Variants in TUBGCP4 observed in about 807,000 individuals in gnomAD.
TUBGCP4 encodes gamma-tubulin complex component 4.
In TUBGCP4, 54 loss-of-function variants were observed where a neutral mutation model predicts 91.6. That is an observed-to-expected ratio of 0.59 (90% CI 0.47 to 0.74). The LOEUF is 0.74. Ranked by LOEUF, TUBGCP4 falls within the 30% of genes least tolerant of loss-of-function variation. The pLI is 0.00. For missense variants in TUBGCP4, 593 were observed against 800.9 expected (o/e 0.74, Z 3.13); for synonymous variants, 297 against 302.8 (o/e 0.98, Z 0.20).
Position 43,408,703 on chromosome 15 carries a change from T to C in TUBGCP4, c.*3489T>C. ...ACCTATATACAAATCTTCACACATT[T>C]GCAAAAGGTTCCTAGCCAATGTAAC... On this transcript the variant is annotated 3_prime_UTR_variant, in exon 18 of 18. Coordinates refer to ENST00000564079, the MANE Select transcript of TUBGCP4 (RefSeq NM_014444.5). The C allele has an allele frequency of 1.7e-6, 1 of 590,154 alleles. No homozygotes were observed. Among genetic ancestry groups the C allele is most frequent in the South Asian group, 2.1e-5 (1 of 47,668 alleles). 36.6% of individuals were successfully genotyped at this position (590,154 alleles called of 1,614,324 possible). A position where few individuals can be genotyped will look rare whatever the true frequency, so the allele number is the denominator to read the frequency against.
At chr15:43,395,277 T>A (rs1888594615) in intron 10 of TUBGCP4, 120 bp downstream of exon 10, 1 of 1,157,568 alleles carries the variant, frequency 8.6e-7, no homozygotes, top group Non-Finnish European at 1.3e-6. Context: ...ACTCATTTGT[T>A]CTTATCCAAG....
chr15:43,376,672 G>A (rs781323900), intron 3 of TUBGCP4, 47 bp downstream of exon 3: 7 of 1,611,006 alleles, frequency 4.3e-6, no homozygotes, highest in Non-Finnish European at 5.9e-6. Flanking sequence ...AGTAGATTAG[G>A]GCATGTTCTT....
intron 2 of TUBGCP4, 84 bp downstream of exon 2, chr15:43,376,310 C>T: frequency 6.2e-7 from 1 of 1,604,504 alleles, no homozygotes; most frequent in Non-Finnish European, 8.5e-7. Flanking sequence ...GGAGCTATGT[C>T]AAGCTTTCAG....
intron 9 of TUBGCP4, among the ~76,000 whole-genome samples, chr15:43,387,771 A>C (rs1305405307): frequency 6.6e-6 from 1 of 151,970 alleles, no homozygotes; most frequent in African/African-American, 2.4e-5. Flanking sequence ...CCGCATGAGG[A>C]AATTTTAAAA....
In TUBGCP4 at chr15:43,407,072, T is replaced by G. The variant is rs1030709042; in HGVS notation, c.*1858T>G. On this transcript the variant is annotated 3_prime_UTR_variant, in exon 18 of 18. Coordinates refer to ENST00000564079, the MANE Select transcript of TUBGCP4 (RefSeq NM_014444.5). ...ACCTTTTGGGAATGATGCCACAGAA[T>G]AAAGTTCACTCTTAACTTTTCAATT... 14 of 287,860 alleles carry G rather than the reference T, an allele frequency of 4.9e-5. No individual in the cohort carries two copies. Among genetic ancestry groups the G allele is most frequent in the African/African-American group, 3.0e-4 (14 of 46,024 alleles). The allele number at this position is 287,860 out of a possible 1,614,324, so 17.8% of individuals were successfully genotyped here. A position where few individuals can be genotyped will look rare whatever the true frequency, so the allele number is the denominator to read the frequency against.
rs975070882 is a variant in TUBGCP4 at position 43,378,926 on chromosome 15, A to G, written c.441+1023A>G. 5.9e-5 allele frequency among the ~76,000 whole-genome samples: 9 copies of G among 152,332 alleles called. No individual in the cohort carries two copies. In the East Asian group the frequency reaches 1.7e-3, roughly 29 times the overall value. ...AGTGTGCTCTTAACCACTAGATTAA[A>G]CTATCTCCCAAAATAAAAGGAGACA... On this transcript the variant is annotated intron_variant, in intron 5 of 17. Coordinates refer to ENST00000564079, the MANE Select transcript of TUBGCP4 (RefSeq NM_014444.5).
Position 43,408,101 on chromosome 15 carries a change from C to T in TUBGCP4, c.*2887C>T, listed in dbSNP as rs1318899825. 1 of 1,612,692 alleles carries T rather than the reference C, an allele frequency of 6.2e-7. No homozygotes were observed. The highest frequency in any genetic ancestry group is 1.7e-5 in the Admixed American group (1 of 59,868). On this transcript the variant is annotated 3_prime_UTR_variant, in exon 18 of 18. Transcript: ENST00000564079. ...TTCACGGGGTTGCCTATGAAGGAGA[C>T]AGGAAAGGACCTTAGCATGACAAGT...
At position 43,406,804 on chromosome 15, in the gene TUBGCP4, C is replaced by CTTA. The variant is rs2044907811; in HGVS notation, c.*1592_*1594dup. The CTTA allele has an allele frequency of 2.9e-6, 1 of 349,660 alleles. No homozygotes were observed. Among genetic ancestry groups the CTTA allele is most frequent in the African/African-American group, 2.1e-5 (1 of 46,612 alleles). 21.7% of individuals were successfully genotyped at this position (349,660 alleles called of 1,614,324 possible). ...TCTTACGGAAGGTCATTCCATCAAG[C>CTTA]TTATGGTCACTGTCCCTTCATGGCA... On this transcript the variant is annotated 3_prime_UTR_variant, in exon 18 of 18. Transcript: ENST00000564079.
chr15:43,403,843 G>A (rs770088150), intron 16 of TUBGCP4, 44 bp downstream of exon 16: 2 of 1,470,392 alleles, frequency 1.4e-6, no homozygotes, highest in East Asian at 4.5e-5. Context: ...AAGGACAGAG[G>A]TGGTTTTGCC....
chr15:43,376,633 G>A lies in TUBGCP4; in HGVS notation c.330+8G>A. 1 of 1,614,148 alleles carries A rather than the reference G, an allele frequency of 6.2e-7. No individual in the cohort carries two copies. The highest frequency in any genetic ancestry group is 8.5e-7 in the Non-Finnish European group (1 of 1,180,016). The stretch of plus-strand genomic sequence containing the variant: ...CTTGATTTGGAACAAGAGGTAAGAA[G>A]GAGGAGATATAGGAAACACCTCTGG... On this transcript the variant is annotated splice_region_variant and intron_variant, in intron 3 of 17. Coordinates refer to ENST00000564079, the MANE Select transcript of TUBGCP4 (RefSeq NM_014444.5).
chr15:43,374,934 G>A (rs1028835844), intron 1 of TUBGCP4, among the ~76,000 whole-genome samples: 3 of 152,144 alleles, frequency 2.0e-5, no homozygotes, highest in African/African-American at 4.8e-5. Context: ...ACAGAGTCTC[G>A]CTCTGTTGCC....
intron 6 of TUBGCP4, 54 bp downstream of exon 6, chr15:43,380,217 T>C (rs377356088): frequency 1.4e-6 from 2 of 1,449,454 alleles, no homozygotes; most frequent in African/African-American, 2.8e-5. Flanking sequence ...TCAAATTATT[T>C]GACTTCTCAC....
intron 13 of TUBGCP4, chr15:43,398,403 A>C: frequency 1.0e-5 from 4 of 389,010 alleles, no homozygotes; most frequent in Non-Finnish European, 1.4e-5. Flanking sequence ...AAAAAAATTA[A>C]TGGGAGCAAG....
intron 5 of TUBGCP4, among the ~76,000 whole-genome samples, 164 bp from the exon 6 acceptor site, chr15:43,379,920 G>A (rs567859219): frequency 7.9e-5 from 12 of 152,290 alleles, no homozygotes; most frequent in African/African-American, 2.9e-4. Flanking sequence ...TGCTGCTGAT[G>A]GGAGAGAGGT....
At chr15:43,384,294 T>C (rs2044325065) in intron 7 of TUBGCP4, among the ~76,000 whole-genome samples, 2 of 152,164 alleles carry the variant, frequency 1.3e-5, no homozygotes, top group African/African-American at 4.8e-5. Context: ...AGCTCATAGT[T>C]TAGGGGAAGA....
At chr15:43,387,925 T>C (rs974489236) in intron 9 of TUBGCP4, among the ~76,000 whole-genome samples, 1 of 152,086 alleles carries the variant, frequency 6.6e-6, no homozygotes, top group African/African-American at 2.4e-5. Flanking sequence ...CGCGGCTCAC[T>C]ACAAACTCCG....
rs56813954 is a variant in TUBGCP4, at chr15:43,409,748, TAA to T, written c.*4544_*4545del. On this transcript the variant is annotated 3_prime_UTR_variant, in exon 18 of 18. Transcript: ENST00000564079. The stretch of plus-strand genomic sequence containing the variant: ...GGAGGAATTTCCAAAAATTCTATAT[TAA>T]AAAAAAAAACCAAGATAATAATTAC... The T allele has an allele frequency of 4.5e-4, 556 of 1,222,146 alleles. No individual in the cohort carries two copies. The highest frequency in any genetic ancestry group is 1.2e-3 in the Middle Eastern group (5 of 4,328). 75.7% of individuals were successfully genotyped at this position (1,222,146 alleles called of 1,614,324 possible).
rs1192397167 is a variant in TUBGCP4 at position 43,383,293 on chromosome 15, C to T, written c.522-10C>T. On this transcript the variant is annotated splice_polypyrimidine_tract_variant and intron_variant, in intron 6 of 17. Coordinates refer to ENST00000564079, the MANE Select transcript of TUBGCP4 (RefSeq NM_014444.5). The stretch of plus-strand genomic sequence containing the variant: ...TGACTTCTGAGCCTCTTACTTTCTA[C>T]TCTGCCCAGAATCCTGGCCGTTTGT... 6.8e-5 allele frequency: 109 copies of T among 1,609,456 alleles called. No individual in the cohort carries two copies. The highest frequency in any genetic ancestry group is 9.0e-5 in the Non-Finnish European group (106 of 1,177,516).
At chr15:43,399,271 G>A in intron 13 of TUBGCP4, 1 of 578,534 alleles carries the variant, frequency 1.7e-6, no homozygotes. Context: ...TGAACTTGCA[G>A]GGAGGCAGGA....
Sources: allele counts gnomAD v4.1 joint callset (sites outside exome capture counted in the v4.1 genomes callset), GRCh38; gene constraint gnomAD v4.1.1; transcripts MANE v1.5; gene names NCBI Gene and HGNC (gene_info 2026-07-23, HGNC 2026-07-21).